UTS2: variants seen among roughly 807,000 people sequenced by gnomAD.
The protein encoded by UTS2 is urotensin-2.
A neutral mutation model predicts 12.6 loss-of-function variants in UTS2; 10 were observed. The ratio of observed to expected loss-of-function variants is 0.80; its 90% CI spans 0.49 to 1.35. The LOEUF is 1.35. Ranked by LOEUF, UTS2 falls within the 40% of genes most tolerant of loss-of-function variation. The pLI, the probability that UTS2 is intolerant of heterozygous loss-of-function variation, is 0.00. For synonymous variants in UTS2, 52 were observed against 50.0 expected, an observed-to-expected ratio of 1.04 and a Z score of -0.17; for missense variants, 142 against 143.2, an observed-to-expected ratio of 0.99 and a Z score of 0.04.
Position 7,853,013 on chromosome 1 carries a change from A to G in UTS2, c.-10T>C, listed in dbSNP as rs1198146160. The stretch of plus-strand genomic sequence containing the variant: ...AGGCCAGCTTATACATGATCGCCAC[A>G]AGATAGACGGCTTCCTTCTTGGCTT... On this transcript the variant is annotated 5_prime_UTR_variant, in exon 1 of 4. Coordinates refer to ENST00000361696, the MANE Select transcript of UTS2 (RefSeq NM_006786.4). 5.6e-6 allele frequency: 9 copies of G among 1,601,066 alleles called. No individual in the cohort carries two copies. Among genetic ancestry groups the G allele is most frequent in the Non-Finnish European group, 6.0e-6 (7 of 1,176,468 alleles).
the UTS2 span, among the ~76,000 whole-genome samples, chr1:7,904,858 C>G: frequency 7.9e-6 from 1 of 127,038 alleles, no homozygotes; most frequent in Non-Finnish European, 1.6e-5. Flanking sequence ...AAGCCTAGAT[C>G]GTGCCACTGG....
At chr1:7,909,833 G>A in the UTS2 span, among the ~76,000 whole-genome samples, 1 of 151,952 alleles carries the variant, frequency 6.6e-6, no homozygotes. Flanking sequence ...TGTTGGCCAG[G>A]CTGGTCTCAA....
At chr1:7,892,467 ATG>A in the UTS2 span, among the ~76,000 whole-genome samples, 2 of 112,232 alleles carry the variant, frequency 1.8e-5, no homozygotes, top group South Asian at 6.0e-4. Context: ...TTCCTCATGC[ATG>A]TTTTTTTTTT....
At chr1:7,895,611 G>T in the UTS2 span, among the ~76,000 whole-genome samples, 10 of 152,226 alleles carry the variant, frequency 6.6e-5, no homozygotes, top group African/African-American at 2.2e-4. Flanking sequence ...ACCATCTGAC[G>T]TGATGGAAAC....
At chr1:7,862,998 G>T in the UTS2 span, among the ~76,000 whole-genome samples, 5 of 19,588 alleles carry the variant, frequency 2.6e-4, no homozygotes, top group Admixed American at 1.8e-3. Context: ...GTGTTGTATT[G>T]TATTGTATTG....
chr1:7,853,451 GAGT>G, upstream of UTS2: 1 of 1,608,846 alleles, frequency 6.2e-7, no homozygotes, highest in South Asian at 1.1e-5. Flanking sequence ...TTTCATGAGT[GAGT>G]AGATGAGTTG....
the UTS2 span, among the ~76,000 whole-genome samples, chr1:7,879,238 C>G: frequency 6.6e-6 from 1 of 152,156 alleles, no homozygotes; most frequent in East Asian, 1.9e-4. Context: ...TAACATTTTC[C>G]AGGATAGACC....
the UTS2 span, among the ~76,000 whole-genome samples, chr1:7,905,654 G>C: frequency 1.1e-4 from 17 of 152,218 alleles, no homozygotes; most frequent in African/African-American, 4.1e-4. Context: ...GGGGAATTCT[G>C]CTTCTAGATG....
the UTS2 span, among the ~76,000 whole-genome samples, chr1:7,906,479 G>GAAAGA: frequency 1.6e-5 from 2 of 124,976 alleles, no homozygotes; most frequent in African/African-American, 5.9e-5. Flanking sequence ...AAGAAAGAAA[G>GAAAGA]AAAGAAAGAA....
chr1:7,859,260 A>G, the UTS2 span, among the ~76,000 whole-genome samples: 2 of 152,202 alleles, frequency 1.3e-5, no homozygotes, highest in African/African-American at 4.8e-5. Context: ...ATTAAAATTA[A>G]TTAAAATTTT....
the UTS2 span, among the ~76,000 whole-genome samples, chr1:7,863,021 TTGTATTGTA>T: frequency 4.2e-5 from 1 of 23,900 alleles, no homozygotes; most frequent in Non-Finnish European, 1.0e-4. Flanking sequence ...TTGTATTGTA[TTGTATTGTA>T]TTGTATTGTA....
chr1:7,885,915 GGGC>G, the UTS2 span, among the ~76,000 whole-genome samples: 3 of 84,740 alleles, frequency 3.5e-5, no homozygotes, highest in Non-Finnish European at 2.4e-5. Context: ...GGGTGGGGGG[GGGC>G]GGGTGGAGGT....
the UTS2 span, among the ~76,000 whole-genome samples, chr1:7,871,048 C>A: frequency 6.6e-6 from 1 of 152,208 alleles, no homozygotes; most frequent in Non-Finnish European, 1.5e-5. Context: ...GCTAAAAGAA[C>A]CGTGTGAGGC....
At chr1:7,903,010 T>TC in the UTS2 span, among the ~76,000 whole-genome samples, 784 of 66,646 alleles carry the variant, frequency 0.012, 114 homozygotes, top group African/African-American at 0.072. Flanking sequence ...CCTCCTTCCC[T>TC]CTTCCCCTCC....
At chr1:7,855,381 T>G (rs896147598), upstream of UTS2, among the ~76,000 whole-genome samples, 1 of 151,726 alleles carries the variant, frequency 6.6e-6, no homozygotes, top group Non-Finnish European at 1.5e-5. Flanking sequence ...GTCAAGAGTT[T>G]GAGACAAGCC....
At chr1:7,852,454 T>C (rs1173161481) in intron 1 of UTS2, among the ~76,000 whole-genome samples, 1 of 152,200 alleles carries the variant, frequency 6.6e-6, no homozygotes, top group Non-Finnish European at 1.5e-5. Context: ...TAAACATTTT[T>C]GTTTCGTAGA....
intron 3 of UTS2, among the ~76,000 whole-genome samples, chr1:7,848,580 G>A (rs2097410304): frequency 1.3e-5 from 2 of 152,218 alleles, no homozygotes; most frequent in Admixed American, 1.3e-4. Flanking sequence ...GAGTGAAGTA[G>A]TGCGATCTCC....
upstream of UTS2, chr1:7,853,093 A>G (rs2097415845): frequency 2.6e-6 from 4 of 1,515,678 alleles, no homozygotes; most frequent in Non-Finnish European, 3.5e-6. Context: ...CTGATTATAT[A>G]TATCATCCTA....
At position 7,849,086 on chromosome 1, in the gene UTS2, AT is replaced by A. The variant is rs547627971; in HGVS notation, c.258+553del. On this transcript the variant is annotated intron_variant, in intron 3 of 3. Transcript: ENST00000361696. ...AGACTGGAGAGCAGGGACCTCACCC[AT>A]TTTTTTCATTCTTTCACAACTTATT... Among the ~76,000 whole-genome samples the A allele has an allele frequency of 1.5e-3, 229 of 151,938 alleles. 1 individual carries two copies. The highest frequency in any genetic ancestry group is 0.01 in the Middle Eastern group (3 of 294).
Sources: gnomAD v4.1 joint callset for allele counts (sites outside exome capture counted in the v4.1 genomes callset) on GRCh38, gnomAD v4.1.1 for gene constraint, MANE v1.5 for transcripts, NCBI Gene and HGNC (gene_info 2026-07-23, HGNC 2026-07-21) for gene names.